CPQ: variants seen among roughly 807,000 people sequenced by gnomAD.
CPQ encodes carboxypeptidase Q, also known as Ser-Met dipeptidase.
In CPQ, 37 loss-of-function variants were observed where a neutral mutation model predicts 45.7. That is an observed-to-expected ratio of 0.81 (90% CI 0.62 to 1.07). The LOEUF (loss-of-function observed/expected upper bound fraction) is 1.07. Ranked by LOEUF, CPQ falls within the 50% of genes least tolerant of loss-of-function variation. CPQ has a pLI of 0.00. For missense variants in CPQ, 537 were observed against 572.9 expected (o/e 0.94, Z 0.64); for synonymous variants, 186 against 205.8 (o/e 0.90, Z 0.82).
At chr8:96,755,054 T>C (rs1586387981) in intron 1 of CPQ, among the ~76,000 whole-genome samples, 2 of 152,044 alleles carry the variant, frequency 1.3e-5, no homozygotes, top group African/African-American at 4.8e-5. Flanking sequence ...AGTTTTTTTC[T>C]TTCTTTTCTA....
intron 1 of CPQ, among the ~76,000 whole-genome samples, chr8:96,691,798 TG>T (rs112153972): frequency 6.8e-4 from 104 of 152,282 alleles, no homozygotes; most frequent in Admixed American, 1.9e-3. Context: ...TCTTTGATGC[TG>T]GTATGAGAAG....
intron 7 of CPQ, among the ~76,000 whole-genome samples, chr8:97,111,742 A>T (rs1461370154): frequency 6.6e-6 from 1 of 152,224 alleles, no homozygotes; most frequent in African/African-American, 2.4e-5. Flanking sequence ...TCAGTGCAGG[A>T]TGCTCATTTC....
intron 4 of CPQ, among the ~76,000 whole-genome samples, chr8:96,910,069 A>T (rs1184464073): frequency 6.6e-6 from 1 of 151,432 alleles, no homozygotes; most frequent in African/African-American, 2.5e-5. Context: ...AGTTCTCTTT[A>T]TCCATGACAG....
intron 1 of CPQ, among the ~76,000 whole-genome samples, chr8:96,695,291 A>C (rs549716284): frequency 8.6e-4 from 127 of 147,040 alleles, no homozygotes; most frequent in Non-Finnish European, 1.3e-3. Flanking sequence ...AAATCAATTC[A>C]AGATGGATTA....
intron 3 of CPQ, among the ~76,000 whole-genome samples, chr8:96,854,696 G>A (rs1158635026): frequency 6.6e-6 from 1 of 152,004 alleles, no homozygotes; most frequent in Non-Finnish European, 1.5e-5. Context: ...GATTACAGAG[G>A]CTGACAAGTC....
In CPQ at chr8:97,040,195, T is replaced by C. The variant is rs185597781; in HGVS notation, c.1053+10701T>C. On this transcript the variant is annotated intron_variant, in intron 6 of 7. Coordinates refer to ENST00000220763, the MANE Select transcript of CPQ (RefSeq NM_016134.4). ...CCATTCTAACTGGTGTGAGATGGTATCTCATTGTGGTTTTGATTTGCATTT... is the reference window on the plus strand; with the variant it reads ...CCATTCTAACTGGTGTGAGATGGTACCTCATTGTGGTTTTGATTTGCATTT... Among the ~76,000 whole-genome samples the C allele has an allele frequency of 6.3e-3, 962 of 152,092 alleles. 4 individuals are homozygous for C. Among genetic ancestry groups the C allele is most frequent in the African/African-American group, 0.021 (885 of 41,452 alleles).
intron 7 of CPQ, among the ~76,000 whole-genome samples, chr8:97,111,418 A>G (rs1403561844): frequency 6.6e-6 from 1 of 152,146 alleles, no homozygotes; most frequent in East Asian, 1.9e-4. Flanking sequence ...TTCTAAATAG[A>G]AAGAGGAATC....
intron 1 of CPQ, among the ~76,000 whole-genome samples, chr8:96,782,917 T>G (rs1186164269): frequency 6.6e-6 from 1 of 152,176 alleles, no homozygotes; most frequent in African/African-American, 2.4e-5. Flanking sequence ...TAGCCTTTAC[T>G]ACAGTTTCCA....
intron 1 of CPQ, among the ~76,000 whole-genome samples, chr8:96,672,891 A>T (rs1204220249): frequency 6.6e-6 from 1 of 152,106 alleles, no homozygotes; most frequent in African/African-American, 2.4e-5. Context: ...GGTTTGTTAC[A>T]TGCATATAGT....
intron 1 of CPQ, among the ~76,000 whole-genome samples, chr8:96,700,447 G>C (rs928914259): frequency 6.6e-6 from 1 of 152,108 alleles, no homozygotes; most frequent in African/African-American, 2.4e-5. Flanking sequence ...AGGGTTGAGT[G>C]CGTGGACCAG....
At chr8:96,907,668 G>A (rs1193884275) in intron 4 of CPQ, among the ~76,000 whole-genome samples, 1 of 151,956 alleles carries the variant, frequency 6.6e-6, no homozygotes, top group African/African-American at 2.4e-5. Context: ...CCTTTGATGT[G>A]TTGTTCCTAG....
chr8:96,736,105 C>A (rs950482794), intron 1 of CPQ, among the ~76,000 whole-genome samples: 2 of 152,268 alleles, frequency 1.3e-5, no homozygotes, highest in East Asian at 1.9e-4. Flanking sequence ...GACAGTCATG[C>A]AATTTGCTTG....
At chr8:96,734,802 A>T (rs183977467) in intron 1 of CPQ, among the ~76,000 whole-genome samples, 1 of 152,258 alleles carries the variant, frequency 6.6e-6, no homozygotes, top group Admixed American at 6.5e-5. Flanking sequence ...AGGCTTTTAT[A>T]CTTGAGTCCA....
Position 97,108,425 on chromosome 8 carries a change from A to C in CPQ, c.1256-34595A>C, listed in dbSNP as rs534481706. Among the ~76,000 whole-genome samples the C allele has an allele frequency of 4.6e-5, 7 of 152,358 alleles. No individual in the cohort carries two copies. The South Asian group carries it at 1.4e-3, about 32-fold the overall frequency. ...TTTAAAGACTTGATGGGATTATGTC[A>C]ATTTTAAAAATCAATAAAAGAACTA... On this transcript the variant is annotated intron_variant, in intron 7 of 7. Coordinates refer to ENST00000220763, the MANE Select transcript of CPQ (RefSeq NM_016134.4).
At chr8:96,866,501 C>T (rs4469424) in intron 3 of CPQ, among the ~76,000 whole-genome samples, 108,490 of 151,934 alleles carry the variant, frequency 0.71, 39,563 homozygotes, top group African/African-American at 0.87. Context: ...TATCTTATTA[C>T]GGAGAATTGA....
chr8:96,838,646 G>C (rs2130851250), intron 3 of CPQ, among the ~76,000 whole-genome samples: 1 of 152,080 alleles, frequency 6.6e-6, no homozygotes. Flanking sequence ...GTTCCAGAAA[G>C]ACATTGATTA....
chr8:97,060,031 T>C (rs1810521054), intron 6 of CPQ, among the ~76,000 whole-genome samples: 2 of 152,080 alleles, frequency 1.3e-5, no homozygotes, highest in Admixed American at 1.3e-4. Flanking sequence ...ATACGTTTAT[T>C]TCATTTATTT....
chr8:97,077,068 CTATT>C (rs1378473062), intron 7 of CPQ, among the ~76,000 whole-genome samples: 9 of 152,210 alleles, frequency 5.9e-5, no homozygotes, highest in African/African-American at 2.2e-4. Context: ...GTACCGTACT[CTATT>C]TATCAATACC....
intron 6 of CPQ, among the ~76,000 whole-genome samples, chr8:97,063,766 C>T (rs1334004511): frequency 1.3e-5 from 2 of 151,950 alleles, no homozygotes; most frequent in Non-Finnish European, 1.5e-5. Flanking sequence ...TGTCAAAGAT[C>T]AGATATTTGT....
Sources: gnomAD v4.1 joint callset for allele counts (sites outside exome capture counted in the v4.1 genomes callset) on GRCh38, gnomAD v4.1.1 for gene constraint, MANE v1.5 for transcripts, NCBI Gene and HGNC (gene_info 2026-07-23, HGNC 2026-07-21) for gene names.